The following TRRAP variants were observed in gnomAD, a reference collection of about 807,000 sequenced individuals.
TRRAP encodes the protein transformation/transcription domain associated protein.
A neutral mutation model predicts 438.8 loss-of-function variants in TRRAP; 41 were observed. The ratio of observed to expected loss-of-function variants is 0.09; its 90% confidence interval spans 0.07 to 0.12. The LOEUF is 0.12. Ranked by LOEUF, TRRAP falls within the 10% of genes least tolerant of loss-of-function variation. The pLI, the probability that TRRAP is intolerant of heterozygous loss-of-function variation, is 1.00. For synonymous variants in TRRAP, 1,994 were observed against 1,962.9 expected (o/e 1.02, Z -0.42); for missense variants, 3,122 against 5,055.1 (o/e 0.62, Z 11.60).
intron 51 of TRRAP, among the ~76,000 whole-genome samples, chr7:98,968,621 C>T (rs1217534373): frequency 1.3e-5 from 2 of 152,124 alleles, no homozygotes; most frequent in Admixed American, 6.5e-5. Context: ...AGGTAGTTCT[C>T]GTCCATTTAC....
intron 40 of TRRAP, among the ~76,000 whole-genome samples, chr7:98,953,793 A>G (rs1309209912): frequency 6.6e-6 from 1 of 152,198 alleles, no homozygotes; most frequent in East Asian, 1.9e-4. Flanking sequence ...GTAAGATGGT[A>G]CATTCTGTGT....
In TRRAP at chr7:98,953,316, C is replaced by T. The variant is rs782180970; in HGVS notation, c.5613C>T (p.Phe1871=). The T allele has an allele frequency of 7.4e-6, 12 of 1,613,926 alleles. No individual in the cohort carries two copies. The highest frequency in any genetic ancestry group is 1.0e-5 in the Non-Finnish European group (12 of 1,180,046). ...RNSKLRRLMT[F]AWPCLLSKAC... ...GCAAGCTGCGCCGCCTCATGACCTT[C>T]GCCTGGCCCTGCCTGCTCTCCAAGG... Residue 1871 remains phenylalanine, a synonymous_variant, in exon 40 of 73, where the codon TTC becomes TTT. Coordinates refer to ENST00000456197, the MANE Select transcript of TRRAP (RefSeq NM_001375524.1).
At position 98,921,869 on chromosome 7, in the gene TRRAP, C is replaced by T. The variant is rs1192004124; in HGVS notation, c.2739C>T (p.His913=). The T allele has an allele frequency of 1.2e-6, 2 of 1,614,220 alleles. No homozygotes were observed. Among genetic ancestry groups the T allele is most frequent in the Non-Finnish European group, 1.7e-6 (2 of 1,180,042 alleles). Residue 913 remains histidine, a synonymous_variant, in exon 21 of 73, where the codon CAC becomes CAT. Transcript: ENST00000456197. ...TGCTGAAGGAGTCGCAGAAGCTGCACTACGTTGTGACCGAGGTTCAGGGCC... is the reference window on the plus strand; with the variant it reads ...TGCTGAAGGAGTCGCAGAAGCTGCATTACGTTGTGACCGAGGTTCAGGGCC... The part of the protein sequence containing the change: ...RKMLKESQKL[H]YVVTEVQGPS...
chr7:98,917,123 A>G (rs185045539), intron 19 of TRRAP, among the ~76,000 whole-genome samples: 96 of 152,346 alleles, frequency 6.3e-4, no homozygotes, highest in African/African-American at 2.2e-3. Flanking sequence ...GTGGTTTACT[A>G]AAGTCTGATA....
At position 98,962,436 on chromosome 7, in the gene TRRAP, G is replaced by C; in HGVS notation, c.6829+9G>C. The stretch of plus-strand genomic sequence containing the variant: ...TCCCTCCCAGCTCTTCGGTGAGTGT[G>C]TGTCTGTCCTGGTGTTCGTGGTGGC... On this transcript the variant is annotated intron_variant, in intron 47 of 72. Coordinates refer to ENST00000456197, the MANE Select transcript of TRRAP (RefSeq NM_001375524.1). 3 of 1,614,234 alleles carry C rather than the reference G, an allele frequency of 1.9e-6. No individual in the cohort carries two copies. Among genetic ancestry groups the C allele is most frequent in the Non-Finnish European group, 2.5e-6 (3 of 1,180,032 alleles).
chr7:98,912,172 T>A lies in TRRAP; in HGVS notation c.2158T>A (p.Ser720Thr). 1 of 1,614,060 alleles carries A rather than the reference T, an allele frequency of 6.2e-7. No homozygotes were observed. Among genetic ancestry groups the A allele is most frequent in the Non-Finnish European group, 8.5e-7 (1 of 1,180,010 alleles). Reference sequence around the variant, plus strand: ...CAAGCTGTTCAAGCTGGTCTTTGGCTCTGTCTCCCTCTTTGCAGCTGAAAA... The same window carrying A: ...CAAGCTGTTCAAGCTGGTCTTTGGCACTGTCTCCCTCTTTGCAGCTGAAAA... The part of the protein sequence containing the change: ...YLKLFKLVFG[S>T]VSLFAAENEQ... The change falls in exon 18 of 73, where the codon TCT becomes ACT. Residue 720 changes from serine (S) to threonine (T), a missense_variant. Physicochemically the swap from Ser to Thr is moderately conservative, Grantham distance 58. Around this residue, in one of 24 missense-constraint regions of TRRAP, gnomAD observed 149 missense variants for 302.8 expected, o/e 0.49. Transcript: ENST00000456197.
chr7:98,972,906 A>T (rs1023369847), intron 53 of TRRAP, among the ~76,000 whole-genome samples: 2 of 152,166 alleles, frequency 1.3e-5, no homozygotes, highest in African/African-American at 2.4e-5. Context: ...TTTCTGTGGG[A>T]TGGAGCGGGA....
In TRRAP at chr7:99,012,462, A is replaced by G; in HGVS notation, c.*107A>G. On this transcript the variant is annotated 3_prime_UTR_variant, in exon 73 of 73. Coordinates refer to ENST00000456197, the MANE Select transcript of TRRAP (RefSeq NM_001375524.1). The surrounding 1 kb of genome is among the most constrained non-coding windows in gnomAD (Gnocchi z 5.9). ...TTCCTTATATTCACAGAAGCCCCAT[A>G]GTTTCACTGGGTTGCGGTTATTTTC... 1 of 1,312,528 alleles carries G rather than the reference A, an allele frequency of 7.6e-7. No homozygotes were observed. The highest frequency in any genetic ancestry group is 1.0e-6 in the Non-Finnish European group (1 of 977,282). 81.3% of individuals were successfully genotyped at this position (1,312,528 alleles called of 1,614,324 possible). A position where few individuals can be genotyped will look rare whatever the true frequency, so the allele number is the denominator to read the frequency against.
intron 23 of TRRAP, among the ~76,000 whole-genome samples, chr7:98,929,488 T>G (rs1177148506): frequency 6.6e-6 from 1 of 152,232 alleles, no homozygotes; most frequent in East Asian, 1.9e-4. Flanking sequence ...ATAGAAAACG[T>G]TCAGAAAAAT....
At chr7:99,009,163 C>G (rs1794323247) in intron 70 of TRRAP, among the ~76,000 whole-genome samples, 1 of 152,116 alleles carries the variant, frequency 6.6e-6, no homozygotes, top group Non-Finnish European at 1.5e-5. Flanking sequence ...CGTTTTTGCC[C>G]TTGGTAGGAG....
At chr7:98,929,949 A>G in intron 23 of TRRAP, 40 bp from the exon 24 acceptor site, 1 of 1,603,568 alleles carries the variant, frequency 6.2e-7, no homozygotes. Flanking sequence ...AGTTTGAGGG[A>G]CAAGACTGTT....
chr7:98,884,452 C>G (rs1454118051), intron 3 of TRRAP, among the ~76,000 whole-genome samples: 1 of 152,056 alleles, frequency 6.6e-6, no homozygotes, highest in African/African-American at 2.4e-5. Context: ...CCAGGCTGGT[C>G]AGGAACTCCT....
In TRRAP at chr7:98,964,912, T is replaced by C; in HGVS notation, c.6976+137T>C. ...GTTGTTTGGTCGTAAATCGTTACCA[T>C]TTGCTCTTCAATGTAGGGGTTTAAA... On this transcript the variant is annotated intron_variant, in intron 48 of 72. Coordinates refer to ENST00000456197, the MANE Select transcript of TRRAP (RefSeq NM_001375524.1). The C allele has an allele frequency of 6.1e-6, 7 of 1,148,070 alleles. No individual in the cohort carries two copies. In the South Asian group the frequency reaches 1.4e-4, roughly 24 times the overall value. 71.1% of individuals were successfully genotyped at this position (1,148,070 alleles called of 1,614,324 possible).
At position 98,992,431 on chromosome 7, in the gene TRRAP, G is replaced by C. The variant is rs941610695; in HGVS notation, c.9847+204G>C. Among the ~76,000 whole-genome samples, 4 of 152,172 alleles carry C rather than the reference G, an allele frequency of 2.6e-5. No individual in the cohort carries two copies. The East Asian group carries it at 5.8e-4, about 22-fold the overall frequency. On this transcript the variant is annotated intron_variant, in intron 65 of 72. Transcript: ENST00000456197. Reference sequence around the variant, plus strand: ...TCTCTTTTGCCAGGATGTAATAAGCGTTCATTTATCCGAGTGATTTGATCT... The same window carrying C: ...TCTCTTTTGCCAGGATGTAATAAGCCTTCATTTATCCGAGTGATTTGATCT...
In TRRAP at chr7:98,981,839, A is replaced by T. The variant is rs752246214; in HGVS notation, c.8705A>T (p.His2902Leu). 1 of 1,605,800 alleles carries T rather than the reference A, an allele frequency of 6.2e-7. No homozygotes were observed. The highest frequency in any genetic ancestry group is 1.7e-5 in the Admixed American group (1 of 58,832). The change falls in exon 59 of 73, where the codon CAC becomes CTC. Residue 2902 changes from histidine to leucine, a missense_variant. By Grantham distance (99) the His-to-Leu change is moderately conservative. Coordinates refer to ENST00000456197, the MANE Select transcript of TRRAP (RefSeq NM_001375524.1). Reference sequence around the variant, plus strand: ...TACCGCGGATACCTGGCCATCTGCCACCCCGAGGAGCAGCAGCTCAGCTTC... The same window carrying T: ...TACCGCGGATACCTGGCCATCTGCCTCCCCGAGGAGCAGCAGCTCAGCTTC... The part of the protein sequence containing the change: ...NMYRGYLAIC[H>L]PEEQQLSFIE...
intron 67 of TRRAP, among the ~76,000 whole-genome samples, chr7:99,002,880 T>C (rs1371675388): frequency 3.9e-5 from 6 of 152,212 alleles, no homozygotes; most frequent in Non-Finnish European, 5.9e-5. Flanking sequence ...TAGCTGGGTG[T>C]TATGCCCAGC....
At position 98,993,748 on chromosome 7, in the gene TRRAP, C is replaced by A; in HGVS notation, c.10047+11C>A. 6.2e-7 allele frequency: 1 copy of A among 1,614,044 alleles called. No individual in the cohort carries two copies. Among genetic ancestry groups the A allele is most frequent in the South Asian group, 1.1e-5 (1 of 91,056 alleles). ...AATTGGCATGAAGAGGTATTTGGCTCTGATCTTGCACATGGTGGCTCCTTG... is the reference window on the plus strand; with the variant it reads ...AATTGGCATGAAGAGGTATTTGGCTATGATCTTGCACATGGTGGCTCCTTG... On this transcript the variant is annotated intron_variant, in intron 66 of 72. Transcript: ENST00000456197.
chr7:99,004,782 T>C (rs1485337971), intron 68 of TRRAP, among the ~76,000 whole-genome samples: 2 of 152,210 alleles, frequency 1.3e-5, no homozygotes, highest in Admixed American at 6.5e-5. Context: ...CTGAAAGGGC[T>C]TTGAAGAGGT....
rs1791188686 is a variant in TRRAP, at chr7:98,948,535, G to A, written c.4669-31G>A. On this transcript the variant is annotated intron_variant, in intron 34 of 72. Transcript: ENST00000456197. The surrounding 1 kb of genome is among the most constrained non-coding windows in gnomAD (Gnocchi z 4.9). ...CCTCAAGCTCTGAGAAGAGGAAGTT[G>A]TGAGATGCAGCATTCCCACATGTTT... 1 of 1,614,138 alleles carries A rather than the reference G, an allele frequency of 6.2e-7. No homozygotes were observed. Among genetic ancestry groups the A allele is most frequent in the Non-Finnish European group, 8.5e-7 (1 of 1,180,038 alleles).
Sources: allele counts gnomAD v4.1 joint callset (sites outside exome capture counted in the v4.1 genomes callset), GRCh38; gene constraint gnomAD v4.1.1; regional missense constraint gnomAD v4.1.1; non-coding constraint Gnocchi (gnomAD v3.1); transcripts MANE v1.5; gene names NCBI Gene and HGNC (gene_info 2026-07-23, HGNC 2026-07-21).